The following CASP8 variants were observed in gnomAD, a reference collection of about 807,000 sequenced individuals.
CASP8 encodes caspase-8.
In CASP8, 24 loss-of-function variants were observed where a neutral mutation model predicts 46.3. That is an observed-to-expected ratio of 0.52 (90% confidence interval 0.38 to 0.73). CASP8 has a LOEUF of 0.73. Ranked by LOEUF, CASP8 falls within the 30% of genes least tolerant of loss-of-function variation. The pLI, the probability that CASP8 is intolerant of heterozygous loss-of-function variation, is 0.00. For synonymous variants in CASP8, 188 were observed against 200.4 expected, an observed-to-expected ratio of 0.94 and a Z score of 0.52; for missense variants, 460 against 559.0, an observed-to-expected ratio of 0.82 and a Z score of 1.79.
At chr2:201,264,075 G>A (rs1053205811) in intron 1 of CASP8, among the ~76,000 whole-genome samples, 1 of 152,202 alleles carries the variant, frequency 6.6e-6, no homozygotes, top group East Asian at 1.9e-4. Context: ...CACAAAATAT[G>A]TACTGATCAA....
At chr2:201,247,890 C>T (rs1433326787) in intron 2 of CASP8, among the ~76,000 whole-genome samples, 2 of 152,126 alleles carry the variant, frequency 1.3e-5, no homozygotes, top group Non-Finnish European at 1.5e-5. Flanking sequence ...GTGATCCGCC[C>T]GCCTTGGCCT....
chr2:201,242,681 G>T (rs1162862145), intron 2 of CASP8: 1 of 151,330 alleles, frequency 6.6e-6, no homozygotes, highest in East Asian at 1.9e-4. Flanking sequence ...TTTTTTTACA[G>T]AAAAAAACCT....
chr2:201,271,437 A>G, intron 2 of CASP8, 79 bp from the exon 3 acceptor site: 1 of 872,478 alleles, frequency 1.1e-6, no homozygotes, highest in Non-Finnish European at 2.0e-6. Context: ...CTTTGGAATC[A>G]AGCCCACTGT....
At chr2:201,252,299 CAG>C (rs1238636260) in intron 2 of CASP8, among the ~76,000 whole-genome samples, 2 of 151,688 alleles carry the variant, frequency 1.3e-5, no homozygotes, top group African/African-American at 4.8e-5. Context: ...TTTTTTGAGA[CAG>C]AGTCTCGCTC....
rs751827308 is a variant in CASP8, at chr2:201,272,838, C to A, written c.551-60C>A. 5.6e-6 allele frequency: 9 copies of A among 1,613,214 alleles called. No individual in the cohort carries two copies. The highest frequency in any genetic ancestry group is 1.1e-5 in the South Asian group (1 of 91,068). ...TACTCTAAAATTGAAACTGACAAAT[C>A]GCTCCATATCACAGTTGTTTCTAAT... On this transcript the variant is annotated intron_variant, in intron 4 of 8. Coordinates refer to ENST00000673742, the MANE Select transcript of CASP8 (RefSeq NM_001372051.1). The surrounding 1 kb of genome is among the most constrained non-coding windows in gnomAD (Gnocchi z 4.4).
At chr2:201,233,738 T>C (rs749269188) in intron 1 of CASP8, 2 of 152,168 alleles carry the variant, frequency 1.3e-5, no homozygotes, top group Non-Finnish European at 2.9e-5. Context: ...GTATTTAGAG[T>C]CCTCAGCAAG....
chr2:201,278,130 T>A (rs542689653), intron 7 of CASP8: 1 of 152,554 alleles, frequency 6.6e-6, no homozygotes, highest in South Asian at 2.1e-4. Context: ...GACCCTTGAT[T>A]TGTATTCTTT....
intron 2 of CASP8, among the ~76,000 whole-genome samples, chr2:201,251,229 C>T (rs1946763387): frequency 6.6e-6 from 1 of 152,182 alleles, no homozygotes; most frequent in African/African-American, 2.4e-5. Flanking sequence ...CATTCATGTG[C>T]AGGTTTTTGC....
At chr2:201,249,079 G>A (rs745664319) in intron 2 of CASP8, among the ~76,000 whole-genome samples, 3 of 152,080 alleles carry the variant, frequency 2.0e-5, no homozygotes, top group Non-Finnish European at 2.9e-5. Context: ...TTTAGTAGAG[G>A]TGGGGGTCTT....
chr2:201,235,743 CAT>C (rs1448407434), intron 2 of CASP8, among the ~76,000 whole-genome samples: 1 of 152,092 alleles, frequency 6.6e-6, no homozygotes, highest in Non-Finnish European at 1.5e-5. Context: ...TAGACACACT[CAT>C]ATATATATTC....
At chr2:201,282,576 C>A (rs1451075087) in intron 7 of CASP8, among the ~76,000 whole-genome samples, 2 of 104,196 alleles carry the variant, frequency 1.9e-5, no homozygotes, top group Non-Finnish European at 2.3e-5. Context: ...CTGACCCCCC[C>A]ACCGCCCTCC....
At chr2:201,268,971 C>T (rs1225797159) in intron 2 of CASP8, among the ~76,000 whole-genome samples, 3 of 150,052 alleles carry the variant, frequency 2.0e-5, no homozygotes, top group African/African-American at 7.3e-5. Flanking sequence ...CAGTGTCTCA[C>T]TACATCGCCC....
Position 201,286,641 on chromosome 2 carries a change from A to G in CASP8, c.*47A>G, listed in dbSNP as rs1156739203. ...GTTTTGTTTTGTTTTTTTGAGACAG[A>G]ATCTCGCTCTGTCGCCCAGGCTGGA... is the stretch of plus-strand genomic sequence containing the variant. On this transcript the variant is annotated 3_prime_UTR_variant, in exon 9 of 9. Transcript: ENST00000673742. The G allele has an allele frequency of 2.6e-6, 4 of 1,548,188 alleles. No individual in the cohort carries two copies. In the South Asian group the frequency reaches 4.5e-5, roughly 18 times the overall value.
chr2:201,260,717 G>A (rs977356814), intron 1 of CASP8, 104 bp downstream of exon 1: 2 of 199,782 alleles, frequency 1.0e-5, no homozygotes, highest in African/African-American at 4.7e-5. Context: ...GTGGCCCTGG[G>A]GCCATGGAGG....
At chr2:201,270,263 G>A (rs774665166) in intron 2 of CASP8, among the ~76,000 whole-genome samples, 7 of 152,192 alleles carry the variant, frequency 4.6e-5, no homozygotes, top group African/African-American at 4.8e-5. Flanking sequence ...CACTCATTGA[G>A]CACTTAGTGT....
intron 1 of CASP8, among the ~76,000 whole-genome samples, chr2:201,262,560 A>G (rs947138883): frequency 6.6e-6 from 1 of 152,142 alleles, no homozygotes; most frequent in Non-Finnish European, 1.5e-5. Flanking sequence ...AATTGGGAAA[A>G]GGCCACAAAA....
intron 7 of CASP8, 156 bp downstream of exon 7, chr2:201,277,124 A>C (rs1576347882): frequency 1.7e-6 from 1 of 583,016 alleles, no homozygotes. Flanking sequence ...ATTCTTATAC[A>C]TTTATCAGTT....
At chr2:201,245,530 T>C (rs564505582) in intron 2 of CASP8, among the ~76,000 whole-genome samples, 1 of 152,252 alleles carries the variant, frequency 6.6e-6, no homozygotes, top group African/African-American at 2.4e-5. Context: ...CGTGAGCCAC[T>C]GTCCCCAGCC....
chr2:201,235,621 C>T (rs1437973039), intron 2 of CASP8, among the ~76,000 whole-genome samples: 2 of 152,034 alleles, frequency 1.3e-5, no homozygotes, highest in Non-Finnish European at 2.9e-5. Flanking sequence ...ATAGTACAGC[C>T]ACATGTTGTT....
Sources: allele counts gnomAD v4.1 joint callset (sites outside exome capture counted in the v4.1 genomes callset), GRCh38; gene constraint gnomAD v4.1.1; non-coding constraint Gnocchi (gnomAD v3.1); transcripts MANE v1.5; gene names NCBI Gene and HGNC (gene_info 2026-07-23, HGNC 2026-07-21).